The following LIMS1 variants were observed in gnomAD, a reference collection of about 807,000 sequenced individuals.
LIMS1 encodes LIM zinc finger domain containing 1, also known as LIM and senescent cell antigen-like-containing domain protein 1.
A neutral mutation model predicts 44.1 loss-of-function variants in LIMS1; 18 were observed. That is an observed-to-expected ratio of 0.41 (90% confidence interval 0.28 to 0.61). LIMS1 has a LOEUF of 0.61. LIMS1 is among the 20% of genes least tolerant of loss of function. The probability of loss-of-function intolerance (pLI) is 0.32; values close to 1 mark genes in which losing one functional copy is unlikely to be tolerated. For missense variants in LIMS1, 201 were observed against 422.0 expected, an observed-to-expected ratio of 0.48 and a Z score of 4.59; for synonymous variants, 93 against 149.1, an observed-to-expected ratio of 0.62 and a Z score of 2.74.
intron 2 of LIMS1, among the ~76,000 whole-genome samples, chr2:108,661,254 A>G (rs1439441400): frequency 2.0e-5 from 3 of 149,588 alleles, no homozygotes; most frequent in East Asian, 3.9e-4. Flanking sequence ...TTAAGCTCCT[A>G]TTGTGTCCCC....
intron 1 of LIMS1, among the ~76,000 whole-genome samples, chr2:108,634,827 A>G (rs777800412): frequency 3.3e-5 from 5 of 152,206 alleles, no homozygotes; most frequent in Non-Finnish European, 7.3e-5. Flanking sequence ...GAGCACAGCG[A>G]CTGCCCAAGG....
At chr2:108,551,009 G>A (rs1011378533) in intron 1 of LIMS1, among the ~76,000 whole-genome samples, 7 of 151,600 alleles carry the variant, frequency 4.6e-5, no homozygotes, top group African/African-American at 1.7e-4. Flanking sequence ...CACACTTGTA[G>A]TCCCAGCTGA....
chr2:108,647,169 A>G (rs1014681393), intron 1 of LIMS1, among the ~76,000 whole-genome samples: 4 of 152,246 alleles, frequency 2.6e-5, no homozygotes, highest in Admixed American at 6.5e-5. Flanking sequence ...AACTACCATC[A>G]GCGAATACTG....
At chr2:108,611,914 CATATAAAATATATATATACAT>C (rs1558808865) in intron 1 of LIMS1, among the ~76,000 whole-genome samples, 1 of 118,334 alleles carries the variant, frequency 8.5e-6, no homozygotes, top group Non-Finnish European at 1.8e-5. Context: ...AATATACACA[CATATAAAATATATATATACAT>C]ATATAAAATA....
intron 1 of LIMS1, among the ~76,000 whole-genome samples, chr2:108,636,498 T>TA (rs1317674941): frequency 2.0e-5 from 3 of 152,158 alleles, no homozygotes; most frequent in Admixed American, 1.3e-4. Flanking sequence ...AGCAAACCTC[T>TA]TCCTCCTGCA....
chr2:108,648,781 T>C (rs112530493), intron 1 of LIMS1, among the ~76,000 whole-genome samples: 1,855 of 152,324 alleles, frequency 0.012, 43 homozygotes, highest in African/African-American at 0.043. Flanking sequence ...GCTAGCCATA[T>C]GCAGAAAGCT....
intron 1 of LIMS1, among the ~76,000 whole-genome samples, chr2:108,540,168 T>TTAACAG (rs1272311355): frequency 6.6e-6 from 1 of 150,674 alleles, no homozygotes; most frequent in African/African-American, 2.4e-5. Context: ...TAATTTTCAT[T>TTAACAG]TAACAGGTGA....
chr2:108,623,817 G>A (rs1688402883), intron 1 of LIMS1, among the ~76,000 whole-genome samples: 1 of 152,158 alleles, frequency 6.6e-6, no homozygotes, highest in South Asian at 2.1e-4. Context: ...AAAACTTTCA[G>A]AGACTAAAAT....
Position 108,672,588 on chromosome 2 carries a change from C to G in LIMS1, c.380+143C>G, listed in dbSNP as rs1278161828. 33 of 287,056 alleles carry G rather than the reference C, an allele frequency of 1.1e-4. No homozygotes were observed. In the Middle Eastern group the frequency reaches 2.4e-3, roughly 21 times the overall value. 17.8% of individuals were successfully genotyped at this position (287,056 alleles called of 1,614,324 possible). ...GAACTCAGACACTGCAGTGTGTTGA[C>G]TGAGTGCTGCTGCTGGGAGTGGACC... is the stretch of plus-strand genomic sequence containing the variant. On this transcript the variant is annotated intron_variant, in intron 4 of 9. Coordinates refer to ENST00000544547, the Ensembl canonical transcript of LIMS1.
chr2:108,543,286 C>T (rs2104572700), intron 1 of LIMS1, among the ~76,000 whole-genome samples: 1 of 152,302 alleles, frequency 6.6e-6, no homozygotes, highest in Non-Finnish European at 1.5e-5. Context: ...TTAAAATTAG[C>T]TGGGCATGGT....
intron 1 of LIMS1, among the ~76,000 whole-genome samples, chr2:108,609,918 G>A (rs187533556): frequency 5.3e-5 from 8 of 152,158 alleles, no homozygotes; most frequent in Admixed American, 1.3e-4. Context: ...CGAGGTGGGC[G>A]GATCACGAGG....
chr2:108,580,325 T>G (rs1685838023), intron 1 of LIMS1, among the ~76,000 whole-genome samples: 2 of 152,170 alleles, frequency 1.3e-5, no homozygotes, highest in Non-Finnish European at 2.9e-5. Flanking sequence ...TTCAAGTCCA[T>G]AGTCCAAATG....
intron 1 of LIMS1, among the ~76,000 whole-genome samples, chr2:108,567,200 A>G (rs544478258): frequency 1.2e-4 from 18 of 152,258 alleles, no homozygotes; most frequent in African/African-American, 3.1e-4. Flanking sequence ...TGTTTCTCCC[A>G]TGTCTGCTTG....
chr2:108,594,931 T>C (rs553890194), intron 1 of LIMS1, among the ~76,000 whole-genome samples: 3 of 151,980 alleles, frequency 2.0e-5, no homozygotes, highest in South Asian at 2.1e-4. Context: ...AAAAATCGAA[T>C]GTAGAGGCCC....
intron 1 of LIMS1, among the ~76,000 whole-genome samples, chr2:108,590,627 T>C (rs2104682937): frequency 6.6e-6 from 1 of 152,096 alleles, no homozygotes; most frequent in South Asian, 2.1e-4. Context: ...GTAGTGACTT[T>C]TGAGTTGGGC....
Position 108,655,333 on chromosome 2 carries a change from T to TGTATGTTCA in LIMS1, c.33-4271_33-4270insTATGTTCAG, listed in dbSNP as rs1029339971. ...TGTCTGTTCAGGAGCCATCCTGAGC[T>TGTATGTTCA]GGCCCATACAATTTTATTGACTGGA... On this transcript the variant is annotated intron_variant, in intron 1 of 9. Coordinates refer to ENST00000544547, the Ensembl canonical transcript of LIMS1. 5.7e-6 allele frequency: 3 copies of TGTATGTTCA among 529,330 alleles called. No individual in the cohort carries two copies. In the Admixed American group the frequency reaches 1.3e-4, roughly 22 times the overall value. 32.8% of individuals were successfully genotyped at this position (529,330 alleles called of 1,614,324 possible).
At chr2:108,598,758 GGTT>G (rs1686851098) in intron 1 of LIMS1, among the ~76,000 whole-genome samples, 1 of 152,152 alleles carries the variant, frequency 6.6e-6, no homozygotes, top group Non-Finnish European at 1.5e-5. Flanking sequence ...AAAAAGCTGT[GGTT>G]GTGTGGGTCT....
intron 1 of LIMS1, among the ~76,000 whole-genome samples, chr2:108,591,587 A>G (rs1475018523): frequency 6.6e-6 from 1 of 151,872 alleles, no homozygotes; most frequent in South Asian, 2.1e-4. Flanking sequence ...CGCCTCCCAA[A>G]TAGCTGTGAC....
At chr2:108,577,871 G>C (rs374489645) in intron 1 of LIMS1, among the ~76,000 whole-genome samples, 1 of 152,200 alleles carries the variant, frequency 6.6e-6, no homozygotes, top group South Asian at 2.1e-4. Context: ...CCGTGTGACT[G>C]TTAAATGCTA....
Sources: gnomAD v4.1 joint callset for allele counts (sites outside exome capture counted in the v4.1 genomes callset) on GRCh38, gnomAD v4.1.1 for gene constraint, MANE v1.5 for transcripts, NCBI Gene and HGNC (gene_info 2026-07-23, HGNC 2026-07-21) for gene names.